Variants in UNC50 observed in about 807,000 individuals in gnomAD.
UNC50 encodes the protein unc-50 inner nuclear membrane RNA binding protein, also known as protein unc-50 homolog.
Under a neutral mutation model 31.5 loss-of-function variants are expected in UNC50, and 24 were observed. The observed-to-expected ratio is 0.76, with a 90% CI of 0.55 to 1.07. The LOEUF (loss-of-function observed/expected upper bound fraction) is 1.07, where lower values mean the gene tolerates loss of function less well. Ranked by LOEUF, UNC50 falls within the 50% of genes least tolerant of loss-of-function variation. The pLI is 0.00. For synonymous variants in UNC50, 118 were observed against 114.7 expected, an observed-to-expected ratio of 1.03 and a Z score of -0.18; for missense variants, 245 against 304.2, an observed-to-expected ratio of 0.81 and a Z score of 1.45.
intron 5 of UNC50, 61 bp from the exon 6 acceptor site, chr2:98,618,107 C>A: frequency 7.0e-7 from 1 of 1,431,658 alleles, no homozygotes; most frequent in South Asian, 1.4e-5. Flanking sequence ...TCAAAATGTT[C>A]ATTTATTAGT....
intron 3 of UNC50, among the ~76,000 whole-genome samples, chr2:98,611,273 A>C (rs977533835): frequency 6.6e-6 from 1 of 152,214 alleles, no homozygotes; most frequent in Non-Finnish European, 1.5e-5. Flanking sequence ...TATACATTTT[A>C]GGGAGACTTG....
chr2:98,611,952 TAC>T (rs752045220), intron 3 of UNC50, among the ~76,000 whole-genome samples: 8 of 151,864 alleles, frequency 5.3e-5, no homozygotes, highest in Admixed American at 1.3e-4. Context: ...CTTTCTCTCA[TAC>T]ACACACACCC....
chr2:98,618,269 ACT>A lies in UNC50; in HGVS notation c.750_751del (p.Cys251PhefsTer4), dbSNP rs764893954. The A allele has an allele frequency of 1.1e-5, 17 of 1,609,120 alleles. No homozygotes were observed. The highest frequency in any genetic ancestry group is 1.3e-5 in the African/African-American group (1 of 74,380). On this transcript the variant is annotated frameshift_variant, in exon 6 of 6. Transcript: ENST00000357765. LOFTEE classifies it high-confidence loss of function. ...GGCACTGGGATGGAACTTCACCCAT[ACT>A]CTCTGTTCTTTCTATAAGTACAGAG... is the stretch of plus-strand genomic sequence containing the variant. Reference protein sequence around the residue: ...SLALGWNFTHTLCSFYKYRVK With the variant: ...SLALGWNFTHXLCSFYKYRVK
intron 1 of UNC50, chr2:98,608,950 GC>G (rs1180345694): frequency 5.1e-6 from 1 of 194,956 alleles, no homozygotes; most frequent in Admixed American, 5.8e-5. Flanking sequence ...CCGAAATGTT[GC>G]GTGGGATGTA....
At chr2:98,613,307 A>G (rs1344853208) in intron 3 of UNC50, among the ~76,000 whole-genome samples, 5 of 152,248 alleles carry the variant, frequency 3.3e-5, no homozygotes, top group Non-Finnish European at 4.4e-5. Context: ...ATTCATAACA[A>G]GCATTCTGCC....
chr2:98,613,411 G>A (rs1187633630), intron 3 of UNC50, among the ~76,000 whole-genome samples: 6 of 152,192 alleles, frequency 3.9e-5, no homozygotes, highest in Non-Finnish European at 8.8e-5. Flanking sequence ...AAAGGAAAAA[G>A]GTTTAATTGA....
rs2104190330 is a variant in UNC50 at position 98,617,488 on chromosome 2, G to GTTAT, written c.644-677_644-674dup. 1.3e-5 allele frequency among the ~76,000 whole-genome samples: 2 copies of GTTAT among 152,290 alleles called. 1 individual carries two copies. The highest frequency in any genetic ancestry group is 4.1e-4 in the South Asian group (2 of 4,826). ...TGCAGCACTGTGGTTTCTCTAAGTG[G>GTTAT]TTATTTGAACACTCCTGGTAACGAC... On this transcript the variant is annotated intron_variant, in intron 5 of 5. Transcript: ENST00000357765.
Position 98,618,292 on chromosome 2 carries a change from C to CAG in UNC50, c.771_772dup (p.Val258GlufsTer2), listed in dbSNP as rs767670191. On this transcript the variant is annotated frameshift_variant, in exon 6 of 6. Coordinates refer to ENST00000357765, the MANE Select transcript of UNC50 (RefSeq NM_014044.7). LOFTEE classifies it high-confidence loss of function. The stretch of plus-strand genomic sequence containing the variant: ...ATACTCTCTGTTCTTTCTATAAGTA[C>CAG]AGAGTGAAATAAAAAGTGAGAAGAA... 2.2e-5 allele frequency: 35 copies of CAG among 1,594,702 alleles called. No individual in the cohort carries two copies. Among genetic ancestry groups the CAG allele is most frequent in the Non-Finnish European group, 2.9e-5 (34 of 1,174,666 alleles).
At chr2:98,615,417 A>G (rs1176338889) in intron 3 of UNC50, among the ~76,000 whole-genome samples, 1 of 151,530 alleles carries the variant, frequency 6.6e-6, no homozygotes, top group African/African-American at 2.4e-5. Context: ...CCTCAAAACC[A>G]CTCTTCCCAC....
In UNC50 at chr2:98,610,915, T is replaced by C. The variant is rs1559147595; in HGVS notation, c.401+20T>C. 2.5e-6 allele frequency: 4 copies of C among 1,609,960 alleles called. No individual in the cohort carries two copies. The highest frequency in any genetic ancestry group is 3.4e-6 in the Non-Finnish European group (4 of 1,178,448). ...AATGTGGTAAGTACCATAACTTTGG[T>C]TTTTCAGATACTGCTGTAGCATCTC... On this transcript the variant is annotated intron_variant, in intron 3 of 5. Coordinates refer to ENST00000357765, the MANE Select transcript of UNC50 (RefSeq NM_014044.7).
chr2:98,613,629 A>T (rs2104180768), intron 3 of UNC50, among the ~76,000 whole-genome samples: 1 of 152,264 alleles, frequency 6.6e-6, no homozygotes, highest in East Asian at 1.9e-4. Context: ...ATCTGGCCCC[A>T]CCCTTGACAC....
At chr2:98,609,280 C>G (rs1268972278) in intron 1 of UNC50, 1 of 161,158 alleles carries the variant, frequency 6.2e-6, no homozygotes, top group Admixed American at 6.1e-5. Context: ...TTCTAGTGAC[C>G]GAGAAGCTTG....
Position 98,611,988 on chromosome 2 carries a change from G to A in UNC50, c.401+1093G>A, listed in dbSNP as rs939928292. 7.8e-5 allele frequency among the ~76,000 whole-genome samples: 4 copies of A among 51,062 alleles called. No homozygotes were observed. The East Asian group carries it at 2.1e-3, about 26-fold the overall frequency. 33.5% of individuals were successfully genotyped at this position (51,062 alleles called of 152,430 possible). A position where few individuals can be genotyped will look rare whatever the true frequency, so the allele number is the denominator to read the frequency against. ...CCTCCGCCCCCCCCGCCCCCCCACC[G>A]CCACACACACACACGGGCTTTATCA... On this transcript the variant is annotated intron_variant, in intron 3 of 5. Coordinates refer to ENST00000357765, the MANE Select transcript of UNC50 (RefSeq NM_014044.7).
In UNC50 at chr2:98,610,867, G is replaced by A. The variant is rs180808618; in HGVS notation, c.373G>A (p.Val125Ile). The A allele has an allele frequency of 6.6e-5, 107 of 1,614,096 alleles. No homozygotes were observed. The East Asian group carries it at 2.0e-3, about 30-fold the overall frequency. The change falls in exon 3 of 6, where the codon GTT becomes ATT. Residue 125 changes from valine to isoleucine, a missense_variant. Val to Ile is a conservative substitution (Grantham distance 29). Coordinates refer to ENST00000357765, the MANE Select transcript of UNC50 (RefSeq NM_014044.7). ...GGTTGTACTCATAGATTGTGTAGGC[G>A]TTGGTCTTCTGATAGCAACTTTAAT... ...LWVVLIDCVG[V>I]GLLIATLMWF... is the part of the protein sequence containing the mutation.
At chr2:98,609,209 G>C (rs950845898) in intron 1 of UNC50, 1 of 157,070 alleles carries the variant, frequency 6.4e-6, no homozygotes, top group Non-Finnish European at 1.4e-5. Flanking sequence ...CGCTCCCTCT[G>C]CTGAACTATT....
intron 3 of UNC50, among the ~76,000 whole-genome samples, chr2:98,613,140 T>C (rs1167920154): frequency 6.6e-6 from 1 of 152,250 alleles, no homozygotes; most frequent in Non-Finnish European, 1.5e-5. Flanking sequence ...TATGTGCTAG[T>C]TAGCCAATAA....
chr2:98,618,286 T>TAAGTA lies in UNC50; in HGVS notation c.763_767dup (p.Tyr256Ter), dbSNP rs1553534138. 3 of 1,605,836 alleles carry TAAGTA rather than the reference T, an allele frequency of 1.9e-6. No individual in the cohort carries two copies. Among genetic ancestry groups the TAAGTA allele is most frequent in the Non-Finnish European group, 1.7e-6 (2 of 1,177,578 alleles). ...TCACCCATACTCTCTGTTCTTTCTA[T>TAAGTA]AAGTACAGAGTGAAATAAAAAGTGA... On this transcript the variant is annotated frameshift_variant, in exon 6 of 6. Transcript: ENST00000357765. LOFTEE classifies it high-confidence loss of function.
At chr2:98,616,585 A>T (rs191054522) in intron 5 of UNC50, 52 bp downstream of exon 5, 249 of 1,430,734 alleles carry the variant, frequency 1.7e-4, no homozygotes, top group Non-Finnish European at 2.2e-4. Flanking sequence ...AGAGGGGGAA[A>T]GTTGTAACAG....
At position 98,609,920 on chromosome 2, in the gene UNC50, T is replaced by C; in HGVS notation, c.161T>C (p.Leu54Pro). 1 of 1,614,190 alleles carries C rather than the reference T, an allele frequency of 6.2e-7. No homozygotes were observed. The highest frequency in any genetic ancestry group is 2.2e-5 in the East Asian group (1 of 44,888). ...TTTGAATTTGCTGCCTGGCAGATGC[T>C]CTACCTGTTCACATCCCCACAGAGA... ...MDFEFAAWQM[L>P]YLFTSPQRVY... The change falls in exon 2 of 6, where the codon CTC becomes CCC. Residue 54 changes from leucine (L) to proline (P), a missense_variant. Transcript: ENST00000357765.
Sources: gnomAD v4.1 joint callset for allele counts (sites outside exome capture counted in the v4.1 genomes callset) on GRCh38, gnomAD v4.1.1 for gene constraint, MANE v1.5 for transcripts, NCBI Gene and HGNC (gene_info 2026-07-23, HGNC 2026-07-21) for gene names.